The following SGCD variants were observed in gnomAD, a reference collection of about 807,000 sequenced individuals.
SGCD encodes delta-sarcoglycan.
In SGCD, 18 loss-of-function variants were observed where a neutral mutation model predicts 36.6. The observed-to-expected ratio is 0.49, with a 90% CI of 0.34 to 0.73. The LOEUF (loss-of-function observed/expected upper bound fraction) is 0.73. Ranked by LOEUF, SGCD falls within the 30% of genes least tolerant of loss-of-function variation. The pLI is 0.01. For missense variants in SGCD, 387 were observed against 346.7 expected (o/e 1.12, Z -0.92); for synonymous variants, 133 against 130.6 (o/e 1.02, Z -0.12).
chr5:156,204,452 CTA>C (rs2127638301), intron 3 of SGCD, among the ~76,000 whole-genome samples: 1 of 146,100 alleles, frequency 6.8e-6, no homozygotes, highest in South Asian at 2.2e-4. Flanking sequence ...CACAGTTTAA[CTA>C]GTTTAGCCAA....
intron 3 of SGCD, among the ~76,000 whole-genome samples, chr5:156,409,128 T>G (rs1010420033): frequency 1.3e-5 from 2 of 151,850 alleles, no homozygotes; most frequent in African/African-American, 4.8e-5. Context: ...CCATACTTGC[T>G]TTTTTTTACT....
intron 3 of SGCD, among the ~76,000 whole-genome samples, chr5:156,355,410 T>C (rs1769446583): frequency 1.3e-5 from 2 of 151,228 alleles, no homozygotes; most frequent in African/African-American, 4.9e-5. Context: ...TTTGTACCTT[T>C]TCCACACATT....
chr5:156,671,603 A>G (rs1753297192), intron 7 of SGCD, among the ~76,000 whole-genome samples: 1 of 152,086 alleles, frequency 6.6e-6, no homozygotes, highest in African/African-American at 2.4e-5. Context: ...AAGCAGTAAG[A>G]GTCTGCTGGA....
intron 4 of SGCD, among the ~76,000 whole-genome samples, chr5:156,519,545 A>C (rs998992134): frequency 2.1e-5 from 3 of 141,378 alleles, no homozygotes; most frequent in Non-Finnish European, 4.9e-5. Context: ...TGATACAAAA[A>C]CCTAGGAGAG....
intron 4 of SGCD, among the ~76,000 whole-genome samples, chr5:156,518,957 G>C (rs1305306660): frequency 6.6e-6 from 1 of 151,810 alleles, no homozygotes; most frequent in East Asian, 1.9e-4. Context: ...AGAACCAAGA[G>C]CAAACAAACC....
At chr5:155,874,246 C>CT (rs909814493) in intron 1 of SGCD, among the ~76,000 whole-genome samples, 34 of 152,116 alleles carry the variant, frequency 2.2e-4, no homozygotes, top group African/African-American at 7.0e-4. Flanking sequence ...AAGGAAAGAG[C>CT]TTTTTTTACA....
intron 7 of SGCD, among the ~76,000 whole-genome samples, chr5:156,706,257 G>T (rs564878727): frequency 2.3e-4 from 35 of 152,200 alleles, no homozygotes; most frequent in African/African-American, 8.2e-4. Flanking sequence ...TCACTGTCTT[G>T]TCATCTCACT....
intron 3 of SGCD, among the ~76,000 whole-genome samples, chr5:156,310,743 G>A (rs1767371823): frequency 1.3e-5 from 2 of 152,150 alleles, no homozygotes; most frequent in East Asian, 1.9e-4. Flanking sequence ...TGCTTGATAT[G>A]TTTCAGACAC....
intron 3 of SGCD, among the ~76,000 whole-genome samples, chr5:156,183,366 C>T (rs893896653): frequency 1.2e-4 from 18 of 152,124 alleles, no homozygotes; most frequent in Non-Finnish European, 2.5e-4. Context: ...TAGTAATGAA[C>T]AATATTTACC....
intron 3 of SGCD, among the ~76,000 whole-genome samples, chr5:156,216,609 A>T (rs1030264590): frequency 6.6e-6 from 1 of 152,190 alleles, no homozygotes; most frequent in South Asian, 2.1e-4. Context: ...ATACAATGTG[A>T]GATTTGTTAA....
intron 4 of SGCD, among the ~76,000 whole-genome samples, chr5:156,531,907 G>A (rs1757906359): frequency 1.3e-5 from 2 of 152,024 alleles, no homozygotes; most frequent in East Asian, 1.9e-4. Context: ...TTAAGAGTTC[G>A]AGACCAGCCT....
At chr5:155,905,223 G>C (rs17052977) in intron 1 of SGCD, among the ~76,000 whole-genome samples, 6,315 of 152,202 alleles carry the variant, frequency 0.041, 351 homozygotes, top group African/African-American at 0.12. Flanking sequence ...TTACAAATAT[G>C]CCATAAACAG....
At chr5:156,566,010 G>A (rs1219818628) in intron 4 of SGCD, among the ~76,000 whole-genome samples, 3 of 152,136 alleles carry the variant, frequency 2.0e-5, no homozygotes, top group Middle Eastern at 3.4e-3. Flanking sequence ...ATAAACATAC[G>A]TGTGCATGTG....
At chr5:156,475,046 A>C (rs574596962) in intron 3 of SGCD, among the ~76,000 whole-genome samples, 15 of 152,338 alleles carry the variant, frequency 9.8e-5, no homozygotes, top group African/African-American at 3.6e-4. Context: ...AATAGCTATT[A>C]GCCATTATTC....
chr5:156,325,647 C>A (rs1767786635), upstream of SGCD, among the ~76,000 whole-genome samples: 1 of 152,170 alleles, frequency 6.6e-6, no homozygotes, highest in Non-Finnish European at 1.5e-5. Context: ...GAGCACCAAT[C>A]CCATTTCTAG....
chr5:156,311,371 T>A (rs1482086825), intron 3 of SGCD, among the ~76,000 whole-genome samples: 1 of 152,206 alleles, frequency 6.6e-6, no homozygotes, highest in Non-Finnish European at 1.5e-5. Flanking sequence ...AGGCACACAA[T>A]TAGCAAGGAG....
intron 1 of SGCD, among the ~76,000 whole-genome samples, chr5:155,988,627 A>G (rs895451724): frequency 1.3e-5 from 2 of 151,812 alleles, no homozygotes; most frequent in African/African-American, 4.9e-5. Context: ...CGTATTGTCT[A>G]ACAAGAAAGG....
At chr5:155,975,609 C>CCTTTTTTTTTTTTTTTTTTTT (rs1758096365) in intron 1 of SGCD, among the ~76,000 whole-genome samples, 3 of 28,008 alleles carry the variant, frequency 1.1e-4, no homozygotes, top group Admixed American at 6.0e-4. Flanking sequence ...TCTTTCTTTC[C>CCTTTTTTTTTTTTTTTTTTTT]TTTTTTTTTT....
At chr5:156,375,045 G>T (rs1770583999) in intron 3 of SGCD, among the ~76,000 whole-genome samples, 1 of 152,090 alleles carries the variant, frequency 6.6e-6, no homozygotes, top group Admixed American at 6.5e-5. Flanking sequence ...TGCAAGAGTA[G>T]TAAAAGAAAC....
Sources: gnomAD v4.1 joint callset for allele counts (sites outside exome capture counted in the v4.1 genomes callset) on GRCh38, gnomAD v4.1.1 for gene constraint, MANE v1.5 for transcripts, NCBI Gene and HGNC (gene_info 2026-07-23, HGNC 2026-07-21) for gene names.